The following DDHD2 variants were observed in gnomAD, a reference collection of about 807,000 sequenced individuals.
DDHD2 encodes DDHD domain containing 2, also known as triacylglycerol hydrolase DDHD2.
DDHD2 carries 62 observed loss-of-function variants against 91.2 expected under a neutral mutation model. The observed-to-expected ratio is 0.68, with a 90% CI of 0.55 to 0.84. The LOEUF is 0.84. Among genes scored for constraint, DDHD2 ranks in the 40% least tolerant of loss-of-function variants. DDHD2 has a pLI of 0.00. For missense variants in DDHD2, 740 were observed against 846.9 expected (o/e 0.87, Z 1.57); for synonymous variants, 271 against 293.9 (o/e 0.92, Z 0.80).
intron 16 of DDHD2, among the ~76,000 whole-genome samples, chr8:38,258,253 T>C (rs1365485924): frequency 6.6e-6 from 1 of 151,756 alleles, no homozygotes; most frequent in African/African-American, 2.4e-5. Context: ...ATTAATTAAA[T>C]TCTTTTTTTT....
At chr8:38,236,142 A>T (rs2130757304) in intron 3 of DDHD2, among the ~76,000 whole-genome samples, 1 of 151,542 alleles carries the variant, frequency 6.6e-6, no homozygotes. Context: ...CCTCCCAAGT[A>T]GCTGGGACTA....
intron 7 of DDHD2, among the ~76,000 whole-genome samples, chr8:38,245,021 AT>A (rs1359799112): frequency 2.0e-4 from 30 of 150,694 alleles, no homozygotes; most frequent in Non-Finnish European, 3.8e-4. Context: ...ATATACATTA[AT>A]TATATAATTA....
downstream of DDHD2, chr8:38,267,281 C>T (rs371733965): frequency 1.4e-5 from 22 of 1,613,856 alleles, no homozygotes; most frequent in Non-Finnish European, 1.8e-5. Context: ...AGAATGTCCA[C>T]TGGGGAAGCT....
intron 9 of DDHD2, chr8:38,247,128 TC>T (rs1250775317): frequency 3.3e-5 from 5 of 150,904 alleles, no homozygotes; most frequent in Non-Finnish European, 7.3e-5. Context: ...TTCTTTTTTT[TC>T]TTTCTTTTTT....
At chr8:38,257,662 A>ATTT (rs35509320) in intron 16 of DDHD2, among the ~76,000 whole-genome samples, 3 of 109,384 alleles carry the variant, frequency 2.7e-5, no homozygotes, top group Non-Finnish European at 5.6e-5. Context: ...TTACCACAGT[A>ATTT]TTTTTTTTTT....
At chr8:38,257,387 T>A (rs2130874139) in intron 16 of DDHD2, among the ~76,000 whole-genome samples, 1 of 151,576 alleles carries the variant, frequency 6.6e-6, no homozygotes, top group East Asian at 2.0e-4. Context: ...TAGCTGGGAT[T>A]ACAGGTGTGC....
chr8:38,268,203 C>A, intron 1 of DDHD2: 2 of 1,083,470 alleles, frequency 1.8e-6, no homozygotes, highest in East Asian at 5.2e-5. Flanking sequence ...TGCCGTGTAG[C>A]CTGCGTAACC....
chr8:38,234,983 G>C (rs950639191), intron 3 of DDHD2, among the ~76,000 whole-genome samples: 1 of 151,896 alleles, frequency 6.6e-6, no homozygotes, highest in Non-Finnish European at 1.5e-5. Context: ...GAACAAAACT[G>C]TTTGGGTAGT....
At position 38,246,568 on chromosome 8, in the gene DDHD2, G is replaced by A. The variant is rs1001749241; in HGVS notation, c.1125+268G>A. ...TGTGAATATGCACCACTGGCTGGGC[G>A]CGGTGGCTCATGCCTGTAATCTCAG... is the stretch of plus-strand genomic sequence containing the variant. On this transcript the variant is annotated intron_variant, in intron 9 of 17. Coordinates refer to ENST00000397166, the MANE Select transcript of DDHD2 (RefSeq NM_015214.3). 3.3e-5 allele frequency among the ~76,000 whole-genome samples: 5 copies of A among 152,184 alleles called. No individual in the cohort carries two copies. The East Asian group carries it at 5.8e-4, about 18-fold the overall frequency.
At chr8:38,250,019 C>G (rs550539752) in intron 11 of DDHD2, 3 of 241,918 alleles carry the variant, frequency 1.2e-5, no homozygotes, top group Middle Eastern at 1.5e-3. Context: ...CGGGTTCAAG[C>G]GATTCTCCTG....
chr8:38,254,069 C>A (rs563801510), intron 16 of DDHD2, among the ~76,000 whole-genome samples: 1 of 142,058 alleles, frequency 7.0e-6, no homozygotes, highest in Non-Finnish European at 1.6e-5. Flanking sequence ...GAGCAAGACC[C>A]TGTCTCAAAA....
chr8:38,269,403 G>A (rs890586772), intron 1 of DDHD2, among the ~76,000 whole-genome samples: 5 of 152,236 alleles, frequency 3.3e-5, no homozygotes, highest in Admixed American at 6.5e-5. Context: ...GTTCAGCAGG[G>A]AGCCAGCGCC....
downstream of DDHD2, chr8:38,267,243 G>A (rs1807764326): frequency 3.1e-6 from 5 of 1,613,782 alleles, no homozygotes; most frequent in Middle Eastern, 1.6e-4. Flanking sequence ...CAAGCATAGG[G>A]TAGAGTCCAT....
chr8:38,267,978 T>C, intron 1 of DDHD2: 1 of 1,613,918 alleles, frequency 6.2e-7, no homozygotes, highest in Non-Finnish European at 8.5e-7. Context: ...GCAAAGCCAT[T>C]AGTTGAAAGG....
In DDHD2 at chr8:38,262,240, T is replaced by C. The variant is rs1458475796; in HGVS notation, c.*1667T>C. 1.3e-5 allele frequency: 2 copies of C among 152,228 alleles called. No homozygotes were observed. The highest frequency in any genetic ancestry group is 2.9e-5 in the Non-Finnish European group (2 of 68,036). 9.4% of individuals were successfully genotyped at this position (152,228 alleles called of 1,614,324 possible). ...TCACTGTATATTAAGGGGAAGCTTTTGCCAAGTTGTGGTCTTCAAATTTAT... is the reference window on the plus strand; with the variant it reads ...TCACTGTATATTAAGGGGAAGCTTTCGCCAAGTTGTGGTCTTCAAATTTAT... On this transcript the variant is annotated 3_prime_UTR_variant, in exon 18 of 18. Coordinates refer to ENST00000397166, the MANE Select transcript of DDHD2 (RefSeq NM_015214.3).
chr8:38,234,326 T>C, intron 2 of DDHD2, 68 bp from the exon 3 acceptor site: 1 of 1,228,308 alleles, frequency 8.1e-7, no homozygotes, highest in Non-Finnish European at 1.1e-6. Flanking sequence ...AGAGTATAAC[T>C]GAGAATTGTA....
rs768909651 is a variant in DDHD2 at position 38,233,183 on chromosome 8, T to G, written c.189T>G (p.Asp63Glu). 12 of 1,613,978 alleles carry G rather than the reference T, an allele frequency of 7.4e-6. No individual in the cohort carries two copies. In the South Asian group the frequency reaches 1.3e-4, roughly 18 times the overall value. The change falls in exon 2 of 18, where the codon GAT becomes GAG. Residue 63 changes from aspartate to glutamate, a missense_variant. By Grantham distance (45) the Asp-to-Glu change is conservative (BLOSUM62 2). This residue lies in a region of DDHD2 where 693 missense variants were observed against 764.2 expected (regional missense o/e 0.91). Transcript: ENST00000397166. Reference protein sequence around the residue: ...KETWIPFNSEDSQQLEEAYSS... With the variant: ...KETWIPFNSEESQQLEEAYSS... ...CATGGATTCCTTTCAACTCTGAGGA[T>G]TCACAGCAGCTGGAAGAGGCATATA...
At chr8:38,250,162 G>A (rs992028828) in intron 11 of DDHD2, 3 of 153,228 alleles carry the variant, frequency 2.0e-5, no homozygotes, top group Non-Finnish European at 1.5e-5. Context: ...TGATCTGCCC[G>A]CCTTGGCCTC....
At position 38,234,524 on chromosome 8, in the gene DDHD2, C is replaced by A; in HGVS notation, c.351C>A (p.Tyr117Ter). 2.5e-6 allele frequency: 4 copies of A among 1,613,018 alleles called. No homozygotes were observed. Among genetic ancestry groups the A allele is most frequent in the African/African-American group, 1.3e-5 (1 of 74,982 alleles). ...ASEVRRCTWF[Y>*]KGDKDNKYVP... ...AAGTGAGACGATGTACGTGGTTTTACAAGGGGGACAAAGACAATAAGTATG... is the reference window on the plus strand; with the variant it reads ...AAGTGAGACGATGTACGTGGTTTTAAAAGGGGGACAAAGACAATAAGTATG... Residue 117 changes from tyrosine to a stop codon, truncating the protein, a stop_gained, in exon 3 of 18, where the codon TAC (tyrosine) becomes TAA (stop). Transcript: ENST00000397166. LOFTEE classifies it high-confidence loss of function.
Sources: gnomAD v4.1 joint callset for allele counts (sites outside exome capture counted in the v4.1 genomes callset) on GRCh38, gnomAD v4.1.1 for gene constraint, gnomAD v4.1.1 regional missense constraint, MANE v1.5 for transcripts, NCBI Gene and HGNC (gene_info 2026-07-23, HGNC 2026-07-21) for gene names.